CSMD1: variants seen among roughly 807,000 people sequenced by gnomAD.
The protein encoded by CSMD1 is CUB and Sushi multiple domains 1, also known as CUB and sushi domain-containing protein 1.
A neutral mutation model predicts 417.5 loss-of-function variants in CSMD1; 213 were observed. The ratio of observed to expected loss-of-function variants is 0.51; its 90% confidence interval spans 0.46 to 0.57. The LOEUF is 0.57. Among genes scored for constraint, CSMD1 ranks in the 20% least tolerant of loss-of-function variants. CSMD1 has a pLI of 0.00. For synonymous variants in CSMD1, 2,862 were observed against 1,736.8 expected (o/e 1.65, Z -16.11); for missense variants, 6,923 against 4,529.7 (o/e 1.53, Z -15.17).
intron 1 of CSMD1, among the ~76,000 whole-genome samples, chr8:4,638,990 G>T (rs1158274161): frequency 1.3e-5 from 2 of 152,308 alleles, no homozygotes; most frequent in East Asian, 3.9e-4. Context: ...CTTCCTGCAA[G>T]AACCAAGCGC....
intron 5 of CSMD1, among the ~76,000 whole-genome samples, chr8:3,772,337 A>ATATG (rs1554430769): frequency 0.044 from 3,864 of 87,460 alleles, 43 homozygotes; most frequent in Admixed American, 0.061. Context: ...ATATTTAGAC[A>ATATG]TACATATATA....
intron 37 of CSMD1, among the ~76,000 whole-genome samples, chr8:3,164,618 T>A (rs1198215232): frequency 6.6e-6 from 1 of 152,186 alleles, no homozygotes; most frequent in Non-Finnish European, 1.5e-5. Flanking sequence ...GAAAAAAATG[T>A]ATACTTAAAA....
At chr8:3,503,746 C>T (rs1183829090) in intron 10 of CSMD1, among the ~76,000 whole-genome samples, 1 of 152,154 alleles carries the variant, frequency 6.6e-6, no homozygotes, top group East Asian at 1.9e-4. Flanking sequence ...GCTTAGTTTT[C>T]CCTGTCTCAG....
At chr8:4,320,944 G>C (rs928705522) in intron 3 of CSMD1, among the ~76,000 whole-genome samples, 3 of 152,060 alleles carry the variant, frequency 2.0e-5, no homozygotes, top group Non-Finnish European at 4.4e-5. Flanking sequence ...CCCAGTGTGA[G>C]GTCCTAGCCA....
At chr8:4,517,275 C>T (rs1459605769) in intron 2 of CSMD1, among the ~76,000 whole-genome samples, 1 of 152,140 alleles carries the variant, frequency 6.6e-6, no homozygotes, top group Non-Finnish European at 1.5e-5. Flanking sequence ...TTTAGACTAA[C>T]GTAGTGATAA....
intron 6 of CSMD1, among the ~76,000 whole-genome samples, chr8:3,715,120 T>A (rs886630095): frequency 6.6e-6 from 1 of 152,140 alleles, no homozygotes; most frequent in African/African-American, 2.4e-5. Flanking sequence ...TGAGGAAGAG[T>A]CATCGAAATT....
At chr8:4,980,441 A>G (rs1810825974) in intron 1 of CSMD1, among the ~76,000 whole-genome samples, 1 of 152,194 alleles carries the variant, frequency 6.6e-6, no homozygotes, top group East Asian at 1.9e-4. Flanking sequence ...GGAGTTTGTC[A>G]GGCGAGGAGG....
intron 3 of CSMD1, among the ~76,000 whole-genome samples, chr8:4,352,968 T>C (rs1801186494): frequency 6.6e-6 from 1 of 152,240 alleles, no homozygotes; most frequent in Non-Finnish European, 1.5e-5. Context: ...TGGTAAATTC[T>C]ACCAAGCCTT....
intron 3 of CSMD1, among the ~76,000 whole-genome samples, chr8:4,196,355 T>C (rs1023467083): frequency 1.3e-5 from 2 of 152,320 alleles, no homozygotes; most frequent in South Asian, 4.1e-4. Flanking sequence ...GAATACAGTC[T>C]TACTTTTAGT....
chr8:3,345,244 C>A (rs903800563), intron 22 of CSMD1, among the ~76,000 whole-genome samples: 2 of 152,176 alleles, frequency 1.3e-5, no homozygotes, highest in African/African-American at 4.8e-5. Flanking sequence ...CACCGTGGAT[C>A]CCTGAGAGAT....
intron 5 of CSMD1, among the ~76,000 whole-genome samples, chr8:3,896,517 T>C (rs1807376990): frequency 6.6e-6 from 1 of 151,762 alleles, no homozygotes; most frequent in African/African-American, 2.4e-5. Flanking sequence ...ATTATTATTA[T>C]TATTATTATT....
intron 5 of CSMD1, among the ~76,000 whole-genome samples, chr8:3,904,731 G>A (rs142333545): frequency 1.3e-5 from 2 of 150,288 alleles, no homozygotes; most frequent in African/African-American, 4.9e-5. Context: ...CGGCCTCCCG[G>A]GTTCAAGTGA....
intron 2 of CSMD1, among the ~76,000 whole-genome samples, chr8:4,472,871 T>C (rs934229594): frequency 1.3e-5 from 2 of 151,992 alleles, no homozygotes; most frequent in Non-Finnish European, 1.5e-5. Flanking sequence ...AACATAGTTA[T>C]TCACTTTTAG....
intron 1 of CSMD1, among the ~76,000 whole-genome samples, chr8:4,679,594 C>T (rs1338790783): frequency 6.6e-6 from 1 of 152,094 alleles, no homozygotes; most frequent in Non-Finnish European, 1.5e-5. Context: ...AATAAGTTCT[C>T]TTAATCATCG....
At position 3,572,197 on chromosome 8, in the gene CSMD1, G is replaced by C. The variant is rs545990317; in HGVS notation, c.1344+2748C>G. On this transcript the variant is annotated intron_variant, in intron 10 of 69. Transcript: ENST00000635120. The stretch of plus-strand genomic sequence containing the variant: ...CGAGCACTCCTTCTCCACCCAGGAA[G>C]GGCGGTGGGAGCCCCCTCTCAGTCC... 9.8e-5 allele frequency among the ~76,000 whole-genome samples: 15 copies of C among 152,314 alleles called. No individual in the cohort carries two copies. The East Asian group carries it at 2.9e-3, about 30-fold the overall frequency.
chr8:3,988,988 C>G (rs556235091), intron 5 of CSMD1, among the ~76,000 whole-genome samples: 1 of 152,294 alleles, frequency 6.6e-6, no homozygotes, highest in African/African-American at 2.4e-5. Flanking sequence ...ACTTTTAGAA[C>G]TAGATACAGG....
intron 3 of CSMD1, among the ~76,000 whole-genome samples, chr8:4,397,576 C>G (rs913030894): frequency 3.6e-5 from 5 of 138,770 alleles, no homozygotes; most frequent in Admixed American, 3.0e-4. Flanking sequence ...GCTCTTTTGC[C>G]CAGGCCACAG....
chr8:4,142,551 A>G (rs996350561), intron 3 of CSMD1, among the ~76,000 whole-genome samples: 11 of 151,354 alleles, frequency 7.3e-5, no homozygotes, highest in Non-Finnish European at 1.3e-4. Context: ...TTCAGACACT[A>G]AAATGACCAT....
chr8:4,919,929 C>G (rs931890840), intron 1 of CSMD1, among the ~76,000 whole-genome samples: 1 of 152,140 alleles, frequency 6.6e-6, no homozygotes, highest in African/African-American at 2.4e-5. Context: ...GAACAGCCCT[C>G]AACAGACACC....
Sources: allele counts gnomAD v4.1 joint callset (sites outside exome capture counted in the v4.1 genomes callset), GRCh38; gene constraint gnomAD v4.1.1; transcripts MANE v1.5; gene names NCBI Gene and HGNC (gene_info 2026-07-23, HGNC 2026-07-21).